Variants in KMO observed in about 807,000 individuals in gnomAD.
The protein encoded by KMO is kynurenine 3-hydroxylase.
Under a neutral mutation model 57.8 loss-of-function variants are expected in KMO, and 24 were observed. The ratio of observed to expected loss-of-function variants is 0.42; its 90% confidence interval spans 0.30 to 0.58. KMO has a LOEUF of 0.58. Ranked by LOEUF, KMO falls within the 20% of genes least tolerant of loss-of-function variation. The pLI, the probability that KMO is intolerant of heterozygous loss-of-function variation, is 0.22. For synonymous variants in KMO, 210 were observed against 193.6 expected (o/e 1.08, Z -0.70); for missense variants, 483 against 588.2 (o/e 0.82, Z 1.85).
At chr1:241,555,717 TC>T in intron 5 of KMO, 57 bp downstream of exon 5, 2 of 1,006,860 alleles carry the variant, frequency 2.0e-6, no homozygotes, top group African/African-American at 1.6e-5. Context: ...ATGACACTAA[TC>T]TTGTCATATG....
chr1:241,548,212 C>G (rs751614241), intron 1 of KMO, among the ~76,000 whole-genome samples: 2 of 152,128 alleles, frequency 1.3e-5, no homozygotes, highest in Non-Finnish European at 2.9e-5. Context: ...GGGAGAATCA[C>G]TTGAGCCCAG....
At chr1:241,573,972 G>A (rs1662407778) in intron 10 of KMO, among the ~76,000 whole-genome samples, 1 of 151,696 alleles carries the variant, frequency 6.6e-6, no homozygotes, top group Non-Finnish European at 1.5e-5. Flanking sequence ...CTCTTTTTAG[G>A]GATCTTTCAC....
At chr1:241,558,776 T>TAAAA (rs35450168) in intron 5 of KMO, among the ~76,000 whole-genome samples, 2 of 144,948 alleles carry the variant, frequency 1.4e-5, no homozygotes, top group East Asian at 2.0e-4. Flanking sequence ...CTAACCATGT[T>TAAAA]AAAAAAAAAA....
intron 7 of KMO, among the ~76,000 whole-genome samples, chr1:241,564,358 A>G (rs1047518431): frequency 6.6e-6 from 1 of 152,128 alleles, no homozygotes; most frequent in South Asian, 2.1e-4. Context: ...CAAGCAATTA[A>G]TACTTATTCA....
At chr1:241,556,498 G>C (rs527550114) in intron 5 of KMO, among the ~76,000 whole-genome samples, 120 of 152,304 alleles carry the variant, frequency 7.9e-4, no homozygotes, top group African/African-American at 2.6e-3. Context: ...CCTAGGCACT[G>C]AGTGAATGAG....
intron 1 of KMO, among the ~76,000 whole-genome samples, chr1:241,541,099 A>G (rs1660942289): frequency 6.6e-6 from 1 of 152,160 alleles, no homozygotes; most frequent in Admixed American, 6.5e-5. Context: ...TCTAGTGCAG[A>G]GTACAGATTG....
intron 12 of KMO, among the ~76,000 whole-genome samples, chr1:241,589,037 T>C (rs1397064329): frequency 6.6e-6 from 1 of 151,830 alleles, no homozygotes; most frequent in African/African-American, 2.4e-5. Context: ...ACATTATCTC[T>C]ATCTACACTT....
At chr1:241,554,278 CCTT>C in intron 4 of KMO, among the ~76,000 whole-genome samples, 1 of 150,604 alleles carries the variant, frequency 6.6e-6, no homozygotes, top group East Asian at 2.0e-4. Context: ...TTCCTTCCTT[CCTT>C]CCTCCCTTCT....
chr1:241,571,756 C>T (rs940572646), intron 10 of KMO, among the ~76,000 whole-genome samples: 4 of 151,162 alleles, frequency 2.6e-5, no homozygotes, highest in Admixed American at 1.3e-4. Context: ...TTTTTTGTTA[C>T]GTCTTTGTCT....
chr1:241,549,264 A>AGTTG (rs779503814), intron 2 of KMO, among the ~76,000 whole-genome samples: 1 of 135,838 alleles, frequency 7.4e-6, no homozygotes, highest in African/African-American at 2.7e-5. Context: ...AAAGAAAGAA[A>AGTTG]GAAAGGAAGG....
At chr1:241,535,348 C>T (rs1660720235) in intron 1 of KMO, among the ~76,000 whole-genome samples, 2 of 151,276 alleles carry the variant, frequency 1.3e-5, no homozygotes, top group South Asian at 4.2e-4. Flanking sequence ...TCCCCTGGCC[C>T]CTAGAAAAAA....
intron 10 of KMO, among the ~76,000 whole-genome samples, chr1:241,570,263 TG>T (rs1439931797): frequency 6.6e-6 from 1 of 152,058 alleles, no homozygotes; most frequent in East Asian, 1.9e-4. Flanking sequence ...TATTTATTTC[TG>T]AGTTCTCTAT....
intron 10 of KMO, among the ~76,000 whole-genome samples, chr1:241,580,061 TC>T (rs1195800673): frequency 6.6e-6 from 1 of 152,164 alleles, no homozygotes; most frequent in Non-Finnish European, 1.5e-5. Context: ...ATTGCCAGGT[TC>T]CCCAGTGGGG....
chr1:241,550,902 TG>T (rs1661369413), intron 3 of KMO, 52 bp from the exon 4 acceptor site: 1 of 796,844 alleles, frequency 1.3e-6, no homozygotes, highest in African/African-American at 1.8e-5. Context: ...CTATCTTTCT[TG>T]CATAATGCCA....
chr1:241,588,246 G>T (rs1663089501), intron 11 of KMO, among the ~76,000 whole-genome samples: 1 of 151,262 alleles, frequency 6.6e-6, no homozygotes, highest in Non-Finnish European at 1.5e-5. Flanking sequence ...GTTTGCTGTG[G>T]TGTTTTAGAA....
intron 10 of KMO, among the ~76,000 whole-genome samples, chr1:241,583,451 G>T (rs1031990744): frequency 2.0e-5 from 3 of 152,176 alleles, no homozygotes; most frequent in Non-Finnish European, 2.9e-5. Context: ...GGAATCAGGG[G>T]CTTCAGGAAA....
chr1:241,578,471 C>T (rs1294477006), intron 10 of KMO, among the ~76,000 whole-genome samples: 3 of 152,138 alleles, frequency 2.0e-5, no homozygotes, highest in African/African-American at 7.2e-5. Context: ...TGCTGTTGCT[C>T]CTCTAGGTCC....
intron 7 of KMO, among the ~76,000 whole-genome samples, chr1:241,562,979 C>T (rs1395144174): frequency 3.3e-5 from 5 of 151,774 alleles, no homozygotes. Context: ...AAGTTACAAC[C>T]CTCTTACTGG....
Position 241,594,730 on chromosome 1 carries a change from G to A in KMO, c.*2577G>A, listed in dbSNP as rs762833837. ...AAATAAAGTGGAATATTAAGTAAAAGTTGGGCACTAATCTGGATTAACATT... is the reference window on the plus strand; with the variant it reads ...AAATAAAGTGGAATATTAAGTAAAAATTGGGCACTAATCTGGATTAACATT... On this transcript the variant is annotated 3_prime_UTR_variant, in exon 15 of 15. Transcript: ENST00000366559. 3.1e-6 allele frequency: 5 copies of A among 1,594,900 alleles called. No individual in the cohort carries two copies. Among genetic ancestry groups the A allele is most frequent in the African/African-American group, 1.3e-5 (1 of 74,214 alleles).
Sources: gnomAD v4.1 joint callset for allele counts (sites outside exome capture counted in the v4.1 genomes callset) on GRCh38, gnomAD v4.1.1 for gene constraint, MANE v1.5 for transcripts, NCBI Gene and HGNC (gene_info 2026-07-23, HGNC 2026-07-21) for gene names.